Variants in CCDC57 observed in about 807,000 individuals in gnomAD.
CCDC57 encodes the protein coiled-coil domain containing 57.
Under a neutral mutation model 118.9 loss-of-function variants are expected in CCDC57, and 118 were observed. The observed-to-expected ratio is 0.99, with a 90% CI of 0.86 to 1.16. The LOEUF is 1.16. Ranked by LOEUF, CCDC57 falls within the 50% of genes most tolerant of loss-of-function variation. CCDC57 has a pLI of 0.00. For missense variants in CCDC57, 1,300 were observed against 1,320.7 expected, an observed-to-expected ratio of 0.98 and a Z score of 0.24; for synonymous variants, 527 against 532.9, an observed-to-expected ratio of 0.99 and a Z score of 0.15.
intron 19 of CCDC57, among the ~76,000 whole-genome samples, chr17:82,114,689 C>T (rs1414624588): frequency 6.6e-6 from 1 of 152,132 alleles, no homozygotes; most frequent in Admixed American, 6.6e-5. Context: ...AGTGGAGACA[C>T]GCTCACCCAC....
At chr17:82,125,110 G>A (rs1351813255) in intron 19 of CCDC57, among the ~76,000 whole-genome samples, 2 of 152,146 alleles carry the variant, frequency 1.3e-5, no homozygotes, top group South Asian at 2.1e-4. Flanking sequence ...TGGAGCACAC[G>A]GGGAACGGAA....
chr17:82,151,688 G>T, exon 16 of CCDC57: 4 of 1,550,398 alleles, frequency 2.6e-6, no homozygotes, highest in Non-Finnish European at 3.5e-6. Context: ...CATAGATAAG[G>T]TCTGGGGGGC....
At chr17:82,105,707 GGGGGA>G (rs555931014) in intron 19 of CCDC57, among the ~76,000 whole-genome samples, 89 of 149,462 alleles carry the variant, frequency 6.0e-4, no homozygotes, top group African/African-American at 2.3e-3. Context: ...ATGGGGTACA[GGGGGA>G]GGGAGGCCCA....
rs547276585 is a variant in CCDC57 at position 82,164,289 on chromosome 17, G to A, written c.1883-932C>T. ...TCAACTACTCGGGAGGCTGAGGCAC[G>A]AGAATCGATTGAACTCGGGAGGCGG... is the stretch of plus-strand genomic sequence containing the variant. On this transcript the variant is annotated intron_variant, in intron 13 of 19. Transcript: ENST00000665763. 2.6e-5 allele frequency among the ~76,000 whole-genome samples: 4 copies of A among 152,194 alleles called. No individual in the cohort carries two copies. In the South Asian group the frequency reaches 6.2e-4, roughly 24 times the overall value.
At chr17:82,195,967 T>G (rs2048251313) in intron 4 of CCDC57, among the ~76,000 whole-genome samples, 1 of 152,194 alleles carries the variant, frequency 6.6e-6, no homozygotes, top group African/African-American at 2.4e-5. Context: ...CTGAACATGA[T>G]AAAAAATCCA....
In CCDC57 at chr17:82,118,880, C is replaced by A. The variant is rs2036268867; in HGVS notation, c.2899+8812G>T. The stretch of plus-strand genomic sequence containing the variant: ...ACCCTCTTCCGGCCATTTGTAAATA[C>A]TCCATTCTACTTCTGCGTATTTTCG... On this transcript the variant is annotated intron_variant, in intron 19 of 19. Coordinates refer to ENST00000665763, the Ensembl canonical transcript of CCDC57. This position sits in a 1 kb window ranked among gnomAD's most constrained non-coding sequence, Gnocchi z 4.7. Among the ~76,000 whole-genome samples the A allele has an allele frequency of 6.6e-6, 1 of 151,862 alleles. No individual in the cohort carries two copies. Among genetic ancestry groups the A allele is most frequent in the South Asian group, 2.1e-4 (1 of 4,798 alleles).
At chr17:82,148,918 A>G (rs1598918593) in intron 16 of CCDC57, among the ~76,000 whole-genome samples, 2 of 46,932 alleles carry the variant, frequency 4.3e-5, no homozygotes, top group Non-Finnish European at 7.2e-5. Flanking sequence ...ATGAACAGAT[A>G]GGTGGGTGGA....
chr17:82,173,006 G>A (rs1171518157), intron 11 of CCDC57, 146 bp from the exon 11 acceptor site: 1 of 693,952 alleles, frequency 1.4e-6, no homozygotes, highest in East Asian at 2.7e-5. Flanking sequence ...TCCCCAGGCT[G>A]TGATGCCCCT....
chr17:82,211,892 C>T (rs940009512), intron 1 of CCDC57, among the ~76,000 whole-genome samples: 1 of 152,196 alleles, frequency 6.6e-6, no homozygotes, highest in African/African-American at 2.4e-5. Flanking sequence ...CTGCGTTTAT[C>T]ACTTTGTGAT....
At chr17:82,134,920 T>C (rs949475297) in intron 16 of CCDC57, among the ~76,000 whole-genome samples, 3 of 152,172 alleles carry the variant, frequency 2.0e-5, no homozygotes, top group Non-Finnish European at 4.4e-5. Flanking sequence ...TTTCATCAAT[T>C]CCATTCATGT....
intron 19 of CCDC57, chr17:82,108,841 T>C (rs899074423): frequency 9.9e-5 from 15 of 152,230 alleles, no homozygotes; most frequent in African/African-American, 3.1e-4. Context: ...GGAGCCTCGC[T>C]TTCTCCAGGG....
intron 1 of CCDC57, among the ~76,000 whole-genome samples, chr17:82,211,197 T>C (rs1000680711): frequency 6.6e-6 from 1 of 152,132 alleles, no homozygotes; most frequent in African/African-American, 2.4e-5. Context: ...CTGTGTCTCG[T>C]AAGACGCTGG....
At chr17:82,167,060 A>C (rs1277349499) in intron 13 of CCDC57, among the ~76,000 whole-genome samples, 2 of 152,204 alleles carry the variant, frequency 1.3e-5, no homozygotes, top group African/African-American at 4.8e-5. Context: ...AAACCTGAAG[A>C]ACAGAGGAAA....
intron 19 of CCDC57, among the ~76,000 whole-genome samples, chr17:82,105,424 G>A (rs1180791624): frequency 4.6e-5 from 7 of 152,128 alleles, no homozygotes; most frequent in East Asian, 1.9e-4. Flanking sequence ...CTGTCAGCAC[G>A]GCACCCAGGC....
At chr17:82,136,640 C>T (rs1474731349) in intron 16 of CCDC57, among the ~76,000 whole-genome samples, 2 of 151,892 alleles carry the variant, frequency 1.3e-5, no homozygotes, top group South Asian at 2.1e-4. Flanking sequence ...CTCTGTCACC[C>T]AGGCTGGAGT....
intron 7 of CCDC57, among the ~76,000 whole-genome samples, chr17:82,188,814 A>G (rs1024340827): frequency 2.6e-5 from 4 of 152,240 alleles, no homozygotes; most frequent in Non-Finnish European, 2.9e-5. Flanking sequence ...CTACGGAGCC[A>G]CACCGCACCC....
intron 15 of CCDC57, chr17:82,157,113 A>C: frequency 6.5e-6 from 1 of 153,252 alleles, no homozygotes; most frequent in Non-Finnish European, 1.5e-5. Context: ...CTCTGGCCTT[A>C]GGTAGGAAGA....
Position 82,203,412 on chromosome 17 carries a change from C to A in CCDC57, c.-8-1460G>T, listed in dbSNP as rs114169670. On this transcript the variant is annotated intron_variant, in intron 2 of 19. Transcript: ENST00000665763. ...ATGTGAGAATGGTCTAATATACCAT[C>A]CGAGAGTACATTCTTTTGTTCTTTT... Among the ~76,000 whole-genome samples the A allele has an allele frequency of 5.4e-3, 815 of 152,256 alleles. 6 individuals carry two copies. Among genetic ancestry groups the A allele is most frequent in the African/African-American group, 0.019 (771 of 41,548 alleles).
chr17:82,195,778 G>C (rs1012991082), intron 4 of CCDC57, among the ~76,000 whole-genome samples: 1 of 152,070 alleles, frequency 6.6e-6, no homozygotes, highest in African/African-American at 2.4e-5. Flanking sequence ...GTAACTAAAA[G>C]GCTGAGATGC....
Sources: allele counts gnomAD v4.1 joint callset (sites outside exome capture counted in the v4.1 genomes callset), GRCh38; gene constraint gnomAD v4.1.1; non-coding constraint Gnocchi (gnomAD v3.1); transcripts MANE v1.5; gene names NCBI Gene and HGNC (gene_info 2026-07-23, HGNC 2026-07-21).